Variants in CYP26B1 observed in about 807,000 individuals in gnomAD.
CYP26B1 encodes cytochrome P450 26B1.
A neutral mutation model predicts 39.1 loss-of-function variants in CYP26B1; 8 were observed. The observed-to-expected ratio is 0.20, with a 90% CI of 0.12 to 0.37. The LOEUF (loss-of-function observed/expected upper bound fraction) is 0.37. CYP26B1 is among the 10% of genes least tolerant of loss of function. The pLI, the probability that CYP26B1 is intolerant of heterozygous loss-of-function variation, is 1.00. For missense variants in CYP26B1, 615 were observed against 707.0 expected (o/e 0.87, Z 1.48); for synonymous variants, 321 against 314.3 (o/e 1.02, Z -0.23).
At chr2:72,134,985 A>T in intron 3 of CYP26B1, 69 bp from the exon 4 acceptor site, 1 of 1,605,486 alleles carries the variant, frequency 6.2e-7, no homozygotes, top group Admixed American at 1.7e-5. Flanking sequence ...ACCACCAGGG[A>T]CGACTCCAGC....
At position 72,147,737 on chromosome 2, in the gene CYP26B1, CACAGCTGCTGCG is replaced by C. The variant is rs1458814762; in HGVS notation, c.86_97del (p.Ser29_Leu32del). On this transcript the variant is annotated inframe_deletion, in exon 1 of 6. Transcript: ENST00000001146. The surrounding 1 kb of genome is among the most constrained non-coding windows in gnomAD (Gnocchi z 6.1). ...GCGAGTGGCGGCCCAGCGCAGCTGC[CACAGCTGCTGCG>C]ACACGGCCAGCAGCAGCGTCACGGA... The C allele has an allele frequency of 6.3e-7, 1 of 1,593,696 alleles. No homozygotes were observed.
rs1366408214 is a variant in CYP26B1, at chr2:72,147,571, G to T, written c.204+60C>A. On this transcript the variant is annotated intron_variant, in intron 1 of 5. Coordinates refer to ENST00000001146, the MANE Select transcript of CYP26B1 (RefSeq NM_019885.4). This position sits in a 1 kb window ranked among gnomAD's most constrained non-coding sequence, Gnocchi z 6.1. ...CGCCCCCTGGCCGGCCCGCCGCTCC[G>T]TCTGCCCCGCGCTCGCAGCTAGCGG... 2.0e-6 allele frequency: 3 copies of T among 1,517,796 alleles called. No individual in the cohort carries two copies. Among genetic ancestry groups the T allele is most frequent in the Non-Finnish European group, 2.6e-6 (3 of 1,132,174 alleles). 94.0% of individuals were successfully genotyped at this position (1,517,796 alleles called of 1,614,324 possible). A position where few individuals can be genotyped will look rare whatever the true frequency, so the allele number is the denominator to read the frequency against.
At chr2:72,138,696 C>T (rs1676849181) in intron 2 of CYP26B1, among the ~76,000 whole-genome samples, 1 of 152,144 alleles carries the variant, frequency 6.6e-6, no homozygotes, top group Non-Finnish European at 1.5e-5. Context: ...TCACAGGAGC[C>T]CAGGAGCGCA....
chr2:72,144,284 A>G, intron 1 of CYP26B1, 71 bp from the exon 2 acceptor site: 2 of 1,547,168 alleles, frequency 1.3e-6, no homozygotes, highest in Non-Finnish European at 1.8e-6. Context: ...GGGGCGGCGG[A>G]CCCCAACCCG....
intron 2 of CYP26B1, among the ~76,000 whole-genome samples, chr2:72,140,547 G>A (rs1676914420): frequency 6.6e-6 from 1 of 152,164 alleles, no homozygotes; most frequent in Non-Finnish European, 1.5e-5. Flanking sequence ...TGAGCCTGGT[G>A]GACATGACTG....
intron 2 of CYP26B1, 126 bp downstream of exon 2, chr2:72,143,863 G>A: frequency 2.6e-6 from 3 of 1,162,472 alleles, no homozygotes; most frequent in Non-Finnish European, 3.8e-6. Context: ...GGGGAACTGC[G>A]GAGTCTTCAA....
chr2:72,146,468 G>C (rs1677126867), intron 1 of CYP26B1, among the ~76,000 whole-genome samples: 1 of 152,232 alleles, frequency 6.6e-6, no homozygotes. Flanking sequence ...CCACAGGGCA[G>C]AGGAACTTCG....
rs1352115197 is a variant in CYP26B1 at position 72,147,480 on chromosome 2, G to T, written c.204+151C>A. 3 of 823,456 alleles carry T rather than the reference G, an allele frequency of 3.6e-6. No homozygotes were observed. Among genetic ancestry groups the T allele is most frequent in the African/African-American group, 3.7e-5 (2 of 54,542 alleles). 51.0% of individuals were successfully genotyped at this position (823,456 alleles called of 1,614,324 possible). On this transcript the variant is annotated intron_variant, in intron 1 of 5. Coordinates refer to ENST00000001146, the MANE Select transcript of CYP26B1 (RefSeq NM_019885.4). This position sits in a 1 kb window ranked among gnomAD's most constrained non-coding sequence, Gnocchi z 6.1. ...ACCGCGCTGCCGGCGGGCTGGGGAA[G>T]CCCGGGCTGCTGCGGCAGAGAGGAG...
chr2:72,132,587 C>G lies in CYP26B1; in HGVS notation c.1179G>C (p.Met393Ile), dbSNP rs1341772264. Residue 393 changes from methionine to isoleucine, a missense_variant, in exon 6 of 6, where the codon ATG becomes ATC. By Grantham distance (10) the Met-to-Ile change is conservative. Coordinates refer to ENST00000001146, the MANE Select transcript of CYP26B1 (RefSeq NM_019885.4). ...GFQIPKGWSV[M>I]YSIRDTHDTA... Reference sequence around the variant, plus strand: ...TGTCATGGGTGTCCCGGATGCTATACATGACACTCCAGCCTTTGGGGATCT... The same window carrying G: ...TGTCATGGGTGTCCCGGATGCTATAGATGACACTCCAGCCTTTGGGGATCT... 1 of 1,611,654 alleles carries G rather than the reference C, an allele frequency of 6.2e-7. No individual in the cohort carries two copies. The highest frequency in any genetic ancestry group is 8.5e-7 in the Non-Finnish European group (1 of 1,179,224).
At chr2:72,144,338 C>A in intron 1 of CYP26B1, 125 bp from the exon 2 acceptor site, 1 of 1,468,112 alleles carries the variant, frequency 6.8e-7, no homozygotes, top group South Asian at 1.4e-5. Context: ...CACACTCACA[C>A]AGACGAGCAC....
Position 72,133,310 on chromosome 2 carries a change from GCAGGGCA to G in CYP26B1, c.862-10_862-4del, listed in dbSNP as rs959183663. The G allele has an allele frequency of 1.2e-6, 2 of 1,601,388 alleles. No individual in the cohort carries two copies. The highest frequency in any genetic ancestry group is 2.7e-5 in the African/African-American group (2 of 74,940). The stretch of plus-strand genomic sequence containing the variant: ...AAGATCAGCTCCAGGGTCCCGTCCT[GCAGGGCA>G]CAGAGGAGAGGTGTTGTTGGAGGTG... On this transcript the variant is annotated splice_region_variant and splice_polypyrimidine_tract_variant and intron_variant, in intron 4 of 5. Coordinates refer to ENST00000001146, the MANE Select transcript of CYP26B1 (RefSeq NM_019885.4).
chr2:72,132,434 C>G lies in CYP26B1; in HGVS notation c.1332G>C (p.Lys444Asn). 6.2e-7 allele frequency: 1 copy of G among 1,613,222 alleles called. No homozygotes were observed. The highest frequency in any genetic ancestry group is 8.5e-7 in the Non-Finnish European group (1 of 1,179,586). The change falls in exon 6 of 6, where the codon AAG becomes AAC. Residue 444 changes from lysine (K) to asparagine (N), a missense_variant. Coordinates refer to ENST00000001146, the MANE Select transcript of CYP26B1 (RefSeq NM_019885.4). ...CCTTCAGGAACAGCTTGGCCAGGTG[C>G]TTGCCCAGGCAGGTCCGGACACCGC... ...FGGGVRTCLG[K>N]HLAKLFLKVL... is the part of the protein sequence containing the mutation.
chr2:72,132,951 G>A (rs915780845), intron 5 of CYP26B1, 72 bp downstream of exon 5: 4 of 1,603,296 alleles, frequency 2.5e-6, no homozygotes, highest in East Asian at 2.3e-5. Flanking sequence ...AATGGAGGCT[G>A]GTGCCCCGCC....
chr2:72,137,415 C>A (rs958143806), intron 2 of CYP26B1, among the ~76,000 whole-genome samples: 3 of 152,220 alleles, frequency 2.0e-5, no homozygotes, highest in African/African-American at 7.2e-5. Flanking sequence ...ACCTAAACAC[C>A]AGCACCCACC....
intron 2 of CYP26B1, among the ~76,000 whole-genome samples, chr2:72,143,671 G>T (rs1356209684): frequency 6.6e-6 from 1 of 152,228 alleles, no homozygotes; most frequent in Non-Finnish European, 1.5e-5. Context: ...CAACTGTCCC[G>T]CCCCCTTCTT....
chr2:72,129,869 TAG>T lies in CYP26B1; in HGVS notation c.*2356_*2357del, dbSNP rs1188734363. On this transcript the variant is annotated 3_prime_UTR_variant, in exon 6 of 6. Coordinates refer to ENST00000001146, the MANE Select transcript of CYP26B1 (RefSeq NM_019885.4). ...ACACGCACAGACACGGGCATCTCAC[TAG>T]AGAGCTGAAAGGAGGGACCAATTAC... The T allele has an allele frequency of 3.3e-5, 5 of 152,228 alleles. No individual in the cohort carries two copies. The highest frequency in any genetic ancestry group is 7.3e-5 in the Non-Finnish European group (5 of 68,038). 9.4% of individuals were successfully genotyped at this position (152,228 alleles called of 1,614,324 possible).
At chr2:72,133,341 T>C (rs1490059996) in intron 4 of CYP26B1, 34 bp from the exon 5 acceptor site, 6 of 1,589,414 alleles carry the variant, frequency 3.8e-6, no homozygotes, top group East Asian at 2.2e-5. Flanking sequence ...TTGTTGGAGG[T>C]GTGGGTTCAG....
chr2:72,143,941 C>T (rs1409899606), intron 2 of CYP26B1, 48 bp downstream of exon 2: 2 of 1,606,870 alleles, frequency 1.2e-6, no homozygotes, highest in South Asian at 2.2e-5. Context: ...ACTCCTTGCC[C>T]CGAGGTGGGG....
chr2:72,144,118 C>T lies in CYP26B1; in HGVS notation c.300G>A (p.Glu100=). 1 of 1,612,028 alleles carries T rather than the reference C, an allele frequency of 6.2e-7. No homozygotes were observed. The highest frequency in any genetic ancestry group is 1.3e-5 in the African/African-American group (1 of 75,032). The part of the protein sequence containing the change: ...GRPLIRVTGA[E]NVRKILMGEH... ...CGCCCATGAGGATCTTGCGCACGTT[C>T]TCCGCGCCGGTCACGCGTATCAGCG... The change falls in exon 2 of 6, where the codon GAG becomes GAA. Residue 100 remains glutamate, a synonymous_variant. Coordinates refer to ENST00000001146, the MANE Select transcript of CYP26B1 (RefSeq NM_019885.4).
Sources: gnomAD v4.1 joint callset for allele counts (sites outside exome capture counted in the v4.1 genomes callset) on GRCh38, gnomAD v4.1.1 for gene constraint, Gnocchi (gnomAD v3.1) non-coding constraint, MANE v1.5 for transcripts, NCBI Gene and HGNC (gene_info 2026-07-23, HGNC 2026-07-21) for gene names.